The following CAMKMT variants were observed in gnomAD, a reference collection of about 807,000 sequenced individuals.
CAMKMT encodes calmodulin-lysine N-methyltransferase, also known as CaM KMT.
A neutral mutation model predicts 48.0 loss-of-function variants in CAMKMT; 53 were observed. The observed-to-expected ratio is 1.10, with a 90% CI of 0.89 to 1.39. CAMKMT has a LOEUF of 1.39. Ranked by LOEUF, CAMKMT falls within the 40% of genes most tolerant of loss-of-function variation. The pLI is 0.00. For missense variants in CAMKMT, 428 were observed against 402.7 expected (o/e 1.06, Z -0.54); for synonymous variants, 165 against 152.3 (o/e 1.08, Z -0.61).
chr2:44,491,123 C>T (rs972142403), intron 3 of CAMKMT, among the ~76,000 whole-genome samples: 11 of 145,412 alleles, frequency 7.6e-5, no homozygotes, highest in African/African-American at 2.6e-4. Flanking sequence ...TGCACTCCAG[C>T]CTGAGCAGTA....
chr2:44,362,190 T>C, intron 1 of CAMKMT, 45 bp downstream of exon 1: 1 of 1,397,484 alleles, frequency 7.2e-7, no homozygotes, highest in Non-Finnish European at 9.3e-7. Context: ...TGGTCACTCC[T>C]CTCTCACGTA....
chr2:44,387,580 T>C (rs889766263), intron 2 of CAMKMT, among the ~76,000 whole-genome samples: 26 of 152,184 alleles, frequency 1.7e-4, no homozygotes, highest in African/African-American at 5.1e-4. Context: ...TACTTTGTTT[T>C]TTTTTGTTTT....
chr2:44,384,776 A>G (rs764550474), intron 2 of CAMKMT, among the ~76,000 whole-genome samples: 4 of 152,068 alleles, frequency 2.6e-5, no homozygotes, highest in African/African-American at 7.2e-5. Context: ...ACTTTGTCAA[A>G]GATCAGTTGG....
At chr2:44,722,887 C>A (rs1012897442) in intron 7 of CAMKMT, among the ~76,000 whole-genome samples, 2 of 152,152 alleles carry the variant, frequency 1.3e-5, no homozygotes, top group African/African-American at 4.8e-5. Flanking sequence ...ATTTCAAGGT[C>A]TTGAAACCCT....
At chr2:44,599,636 A>T (rs905660629) in intron 3 of CAMKMT, among the ~76,000 whole-genome samples, 15 of 152,134 alleles carry the variant, frequency 9.9e-5, no homozygotes, top group East Asian at 7.7e-4. Context: ...ACAGCTTTTT[A>T]AAAAAAGAAC....
intron 3 of CAMKMT, among the ~76,000 whole-genome samples, chr2:44,692,096 A>C (rs902022912): frequency 1.3e-5 from 2 of 152,198 alleles, no homozygotes; most frequent in African/African-American, 2.4e-5. Context: ...TAACAAGGGC[A>C]CATTTATCCA....
intron 3 of CAMKMT, among the ~76,000 whole-genome samples, chr2:44,474,446 CAA>C (rs1222971931): frequency 1.2e-4 from 7 of 58,014 alleles, no homozygotes; most frequent in Admixed American, 1.8e-4. Context: ...GACTCCGTCT[CAA>C]AAAAAAAAAA....
chr2:44,743,960 G>A (rs1573217236), intron 8 of CAMKMT, among the ~76,000 whole-genome samples: 5 of 152,132 alleles, frequency 3.3e-5, no homozygotes, highest in Admixed American at 3.3e-4. Context: ...CATGCTTGAC[G>A]TATCAGTAAA....
At chr2:44,581,444 C>T (rs1428208469) in intron 3 of CAMKMT, among the ~76,000 whole-genome samples, 1 of 152,162 alleles carries the variant, frequency 6.6e-6, no homozygotes, top group Non-Finnish European at 1.5e-5. Context: ...TTCTACTGCT[C>T]TGTCTTATTA....
At chr2:44,564,960 A>T (rs1668532987) in intron 3 of CAMKMT, among the ~76,000 whole-genome samples, 1 of 152,254 alleles carries the variant, frequency 6.6e-6, no homozygotes, top group Non-Finnish European at 1.5e-5. Flanking sequence ...GTTGTGCAAG[A>T]TGAAACCATA....
chr2:44,707,419 C>T lies in CAMKMT; in HGVS notation c.513C>T (p.Val171=), dbSNP rs572430203. The change falls in exon 6 of 11, where the codon GTC becomes GTT. Residue 171 remains valine (V), a synonymous_variant. Transcript: ENST00000378494. ...TTCAGGTTGCTATTTCTGCAGATGT[C>T]AAAGAAGTTCTGTTAACTGATGGGA... ...AGLMVAISAD[V]KEVLLTDGNE... is the part of the protein sequence containing the mutation. 3 of 1,611,536 alleles carry T rather than the reference C, an allele frequency of 1.9e-6. No homozygotes were observed. The South Asian group carries it at 3.3e-5, about 18-fold the overall frequency.
intron 3 of CAMKMT, among the ~76,000 whole-genome samples, chr2:44,670,136 AC>A (rs1364942242): frequency 6.6e-6 from 1 of 152,176 alleles, no homozygotes; most frequent in East Asian, 1.9e-4. Context: ...GTTATGTGTT[AC>A]AATTATCTTC....
chr2:44,745,864 G>A (rs1452887353), intron 8 of CAMKMT, among the ~76,000 whole-genome samples: 1 of 152,228 alleles, frequency 6.6e-6, no homozygotes, highest in East Asian at 1.9e-4. Flanking sequence ...TGTGCATGTA[G>A]CAGTGAAGCA....
intron 3 of CAMKMT, among the ~76,000 whole-genome samples, chr2:44,425,291 A>T (rs1200796652): frequency 6.6e-6 from 1 of 152,208 alleles, no homozygotes; most frequent in Non-Finnish European, 1.5e-5. Context: ...CTACTTATGA[A>T]GACATTAATG....
chr2:44,477,374 A>G (rs1432888896), intron 3 of CAMKMT, among the ~76,000 whole-genome samples: 1 of 152,260 alleles, frequency 6.6e-6, no homozygotes, highest in African/African-American at 2.4e-5. Context: ...TGATATTTAT[A>G]TACAACTTTG....
intron 3 of CAMKMT, among the ~76,000 whole-genome samples, chr2:44,557,501 G>A (rs968783205): frequency 6.6e-6 from 1 of 152,160 alleles, no homozygotes; most frequent in Non-Finnish European, 1.5e-5. Context: ...GTCTGGTGAT[G>A]TTGCTCCTCA....
At chr2:44,719,085 C>G (rs1021034722) in intron 7 of CAMKMT, among the ~76,000 whole-genome samples, 1 of 152,130 alleles carries the variant, frequency 6.6e-6, no homozygotes, top group Non-Finnish European at 1.5e-5. Context: ...GCAGTCTGCC[C>G]TTATATCCAC....
chr2:44,456,694 C>T, intron 3 of CAMKMT: 1 of 1,225,612 alleles, frequency 8.2e-7, no homozygotes, highest in South Asian at 1.5e-5. Flanking sequence ...GGCATCCTAC[C>T]TCTGCTTGTC....
intron 1 of CAMKMT, among the ~76,000 whole-genome samples, chr2:44,364,537 A>G (rs1678389801): frequency 6.6e-6 from 1 of 152,164 alleles, no homozygotes; most frequent in African/African-American, 2.4e-5. Flanking sequence ...CATCCTCTGC[A>G]CCTAGCACAG....
Sources: gnomAD v4.1 joint callset for allele counts (sites outside exome capture counted in the v4.1 genomes callset) on GRCh38, gnomAD v4.1.1 for gene constraint, MANE v1.5 for transcripts, NCBI Gene and HGNC (gene_info 2026-07-23, HGNC 2026-07-21) for gene names.